COL18A1: variants seen among roughly 807,000 people sequenced by gnomAD.
COL18A1 encodes the protein collagen type XVIII alpha 1 chain, also known as collagen alpha-1(XVIII) chain.
In COL18A1, 133 loss-of-function variants were observed where a neutral mutation model predicts 168.0. The observed-to-expected ratio is 0.79, with a 90% CI of 0.69 to 0.91. COL18A1 has a LOEUF of 0.91. Ranked by LOEUF, COL18A1 falls within the 40% of genes least tolerant of loss-of-function variation. COL18A1 has a pLI of 0.00. For missense variants in COL18A1, 2,126 were observed against 1,925.4 expected, an observed-to-expected ratio of 1.10 and a Z score of -1.95; for synonymous variants, 949 against 809.0, an observed-to-expected ratio of 1.17 and a Z score of -2.94.
chr21:45,412,918 G>A (rs978373315), intron 2 of COL18A1, among the ~76,000 whole-genome samples: 2 of 152,248 alleles, frequency 1.3e-5, no homozygotes, highest in East Asian at 3.9e-4. Flanking sequence ...CTAGTGTGAT[G>A]GCTGAGAGCT....
chr21:45,480,021 G>A (rs1239159569), intron 10 of COL18A1, 49 bp from the exon 11 acceptor site: 21 of 1,613,002 alleles, frequency 1.3e-5, no homozygotes, highest in Non-Finnish European at 1.5e-5. Context: ...GCTCAAGGTG[G>A]GGGCTGTGTG....
intron 32 of COL18A1, among the ~76,000 whole-genome samples, chr21:45,503,673 T>A (rs1025662581): frequency 6.8e-6 from 1 of 147,774 alleles, no homozygotes; most frequent in South Asian, 2.2e-4. Context: ...CATTGGGAGA[T>A]ATACCTAATG....
chr21:45,470,047 C>T (rs1602460903), intron 3 of COL18A1, among the ~76,000 whole-genome samples: 2 of 152,188 alleles, frequency 1.3e-5, no homozygotes, highest in Admixed American at 1.3e-4. Flanking sequence ...ACATCTTTAA[C>T]ACTGTTAGGA....
intron 2 of COL18A1, among the ~76,000 whole-genome samples, chr21:45,466,336 C>G (rs562476262): frequency 6.6e-6 from 1 of 152,274 alleles, no homozygotes; most frequent in African/African-American, 2.4e-5. Context: ...GCCTCCAGAA[C>G]CATCCACACT....
chr21:45,493,628 G>T (rs1301040766), intron 26 of COL18A1, 53 bp downstream of exon 26: 3 of 1,342,602 alleles, frequency 2.2e-6, no homozygotes, highest in African/African-American at 2.9e-5. Context: ...TGGGGCTGTG[G>T]AGACAGCCTG....
At chr21:45,456,603 T>C in intron 2 of COL18A1, 1 of 1,540,974 alleles carries the variant, frequency 6.5e-7, no homozygotes. Context: ...CCCAACCACC[T>C]CCACCACGAG....
Position 45,405,376 on chromosome 21 carries a change from C to T in COL18A1, c.12-3C>T. On this transcript the variant is annotated splice_polypyrimidine_tract_variant and splice_region_variant and intron_variant, in intron 1 of 41. Coordinates refer to ENST00000651438, the MANE Select transcript of COL18A1 (RefSeq NM_001379500.1). ...GGGTCTGACCCGTGCCTGTCCCGCGCAGGTGCCCCTGGCCATGGCCGCGGC... is the reference window on the plus strand; with the variant it reads ...GGGTCTGACCCGTGCCTGTCCCGCGTAGGTGCCCCTGGCCATGGCCGCGGC... The T allele has an allele frequency of 7.8e-7, 1 of 1,281,012 alleles. No homozygotes were observed. The highest frequency in any genetic ancestry group is 9.9e-7 in the Non-Finnish European group (1 of 1,013,578). The allele number at this position is 1,281,012 out of a possible 1,614,324, so 79.4% of individuals were successfully genotyped here. A position where few individuals can be genotyped will look rare whatever the true frequency, so the allele number is the denominator to read the frequency against.
chr21:45,479,357 G>A (rs551423226), intron 9 of COL18A1, among the ~76,000 whole-genome samples: 23 of 145,116 alleles, frequency 1.6e-4, no homozygotes, highest in East Asian at 1.5e-3. Context: ...CTACACACAC[G>A]TGTGTGCACA....
At chr21:45,410,290 C>G (rs1358460381) in intron 2 of COL18A1, among the ~76,000 whole-genome samples, 2 of 152,196 alleles carry the variant, frequency 1.3e-5, no homozygotes, top group East Asian at 1.9e-4. Flanking sequence ...CCCACAGGAG[C>G]CTTGTGATGG....
In COL18A1 at chr21:45,507,572, G is replaced by A; in HGVS notation, c.3228G>A (p.Arg1076=). 1 of 1,613,088 alleles carries A rather than the reference G, an allele frequency of 6.2e-7. No individual in the cohort carries two copies. Residue 1076 remains arginine (R), a synonymous_variant, in exon 38 of 42, where the codon CGG becomes CGA. Coordinates refer to ENST00000651438, the MANE Select transcript of COL18A1 (RefSeq NM_001379500.1). Reference sequence around the variant, plus strand: ...CTGCTTTCTTCCAGCTGGAGGCCCGGACACCACTCCCACGAGGGACGGTAA... The same window carrying A: ...CTGCTTTCTTCCAGCTGGAGGCCCGAACACCACTCCCACGAGGGACGGTAA... ...NGFRKVQLEA[R]TPLPRGTDNE... is the part of the protein sequence containing the mutation.
rs1420163735 is a variant in COL18A1, at chr21:45,512,852, A to ACACT, written c.*457_*460dup. On this transcript the variant is annotated 3_prime_UTR_variant, in exon 42 of 42. Coordinates refer to ENST00000651438, the MANE Select transcript of COL18A1 (RefSeq NM_001379500.1). ...CCGTGAGGCAATGGGAGCTGAGGCC[A>ACACT]CACTCAGCACAAGGCCATCTGGGCT... is the stretch of plus-strand genomic sequence containing the variant. 4.4e-5 allele frequency: 12 copies of ACACT among 274,600 alleles called. No homozygotes were observed. The East Asian group carries it at 5.1e-4, about 12-fold the overall frequency. The allele number at this position is 274,600 out of a possible 1,614,324, so 17.0% of individuals were successfully genotyped here.
chr21:45,455,947 G>T (rs752318886), intron 2 of COL18A1: 1 of 1,613,082 alleles, frequency 6.2e-7, no homozygotes, highest in South Asian at 1.1e-5. Context: ...GCTTGGCCAG[G>T]GCGGAAACCC....
intron 29 of COL18A1, chr21:45,495,743 CAT>C (rs1269379985): frequency 4.5e-5 from 18 of 395,950 alleles, no homozygotes; most frequent in Middle Eastern, 8.4e-4. Flanking sequence ...CACACGTGCT[CAT>C]GTGTGTACAC....
chr21:45,483,963 G>A (rs1602510458), intron 15 of COL18A1, among the ~76,000 whole-genome samples: 3 of 85,022 alleles, frequency 3.5e-5, no homozygotes, highest in Admixed American at 2.4e-4. Context: ...ATGTACACAT[G>A]CACACACACA....
At position 45,457,875 on chromosome 21, in the gene COL18A1, G is replaced by A. The variant is rs1418283049; in HGVS notation, c.107-10367G>A. The stretch of plus-strand genomic sequence containing the variant: ...GGACCTGGAGGTGGGGGTGCCTGCA[G>A]TGGAAATTCTGGTGGACGCCCACCC... On this transcript the variant is annotated intron_variant, in intron 2 of 41. Transcript: ENST00000651438. This position sits in a 1 kb window ranked among gnomAD's most constrained non-coding sequence, Gnocchi z 4.6. Among the ~76,000 whole-genome samples, 2 of 152,148 alleles carry A rather than the reference G, an allele frequency of 1.3e-5. No homozygotes were observed. Among genetic ancestry groups the A allele is most frequent in the African/African-American group, 4.8e-5 (2 of 41,432 alleles).
Position 45,495,431 on chromosome 21 carries a change from G to A in COL18A1, c.2507G>A (p.Arg836Lys), listed in dbSNP as rs1380700147. ...GATGCCAGCCTTGGATTTGGCATGA[G>A]GGTGAGTGTCTCTCAAGGGGCGGAC... Reference protein sequence around the residue: ...PGDASLGFGMRGMPGPPGPPG... With the variant: ...PGDASLGFGMKGMPGPPGPPG... The change falls in exon 29 of 42, where the codon AGG becomes AAG. Residue 836 changes from arginine to lysine, a missense_variant and splice_region_variant. Coordinates refer to ENST00000651438, the MANE Select transcript of COL18A1 (RefSeq NM_001379500.1). 1 of 1,607,738 alleles carries A rather than the reference G, an allele frequency of 6.2e-7. No homozygotes were observed. Among genetic ancestry groups the A allele is most frequent in the South Asian group, 1.1e-5 (1 of 90,054 alleles).
chr21:45,492,759 G>C, intron 24 of COL18A1, 46 bp downstream of exon 24: 2 of 839,756 alleles, frequency 2.4e-6, no homozygotes, highest in Non-Finnish European at 3.4e-6. Flanking sequence ...GCTGGGGAGG[G>C]GTCTCCACCT....
At chr21:45,418,418 G>A (rs2033510819) in intron 2 of COL18A1, among the ~76,000 whole-genome samples, 1 of 152,150 alleles carries the variant, frequency 6.6e-6, no homozygotes, top group South Asian at 2.1e-4. Context: ...TCCCTTCTTG[G>A]TGGTTTCCCT....
chr21:45,510,515 C>CCCGCT (rs1313255076), intron 40 of COL18A1, among the ~76,000 whole-genome samples: 2 of 152,170 alleles, frequency 1.3e-5, no homozygotes, highest in African/African-American at 4.8e-5. Flanking sequence ...CCCCTGACCC[C>CCCGCT]CCGCTCCCCC....
Sources: allele counts gnomAD v4.1 joint callset (sites outside exome capture counted in the v4.1 genomes callset), GRCh38; gene constraint gnomAD v4.1.1; non-coding constraint Gnocchi (gnomAD v3.1); transcripts MANE v1.5; gene names NCBI Gene and HGNC (gene_info 2026-07-23, HGNC 2026-07-21).